Variants in TNR observed in about 807,000 individuals in gnomAD.
TNR encodes the protein tenascin R.
TNR carries 45 observed loss-of-function variants against 150.4 expected under a neutral mutation model. The observed-to-expected ratio is 0.30, with a 90% CI of 0.24 to 0.38. The LOEUF is 0.38. Ranked by LOEUF, TNR falls within the 10% of genes least tolerant of loss-of-function variation. The pLI, the probability that TNR is intolerant of heterozygous loss-of-function variation, is 1.00. For synonymous variants in TNR, 687 were observed against 678.4 expected, an observed-to-expected ratio of 1.01 and a Z score of -0.20; for missense variants, 1,544 against 1,759.1, an observed-to-expected ratio of 0.88 and a Z score of 2.19.
At chr1:175,702,105 T>A (rs16848982) in intron 1 of TNR, among the ~76,000 whole-genome samples, 9,625 of 152,238 alleles carry the variant, frequency 0.063, 382 homozygotes, top group East Asian at 0.17. Context: ...TTTTCCAGGG[T>A]TTTTTTCCGA....
chr1:175,354,552 G>A (rs1343726134), intron 17 of TNR, 29 bp from the exon 18 acceptor site: 3 of 1,613,594 alleles, frequency 1.9e-6, no homozygotes, highest in East Asian at 2.2e-5. Context: ...GAAGGGTGGT[G>A]GAAGGGAGCA....
chr1:175,616,929 GC>G (rs1246116195), intron 1 of TNR, among the ~76,000 whole-genome samples: 1 of 152,206 alleles, frequency 6.6e-6, no homozygotes, highest in Non-Finnish European at 1.5e-5. Context: ...TTTCGAAGAT[GC>G]CTTCCAGCTT....
chr1:175,419,190 G>T (rs758671189), intron 2 of TNR, among the ~76,000 whole-genome samples: 2 of 152,000 alleles, frequency 1.3e-5, no homozygotes, highest in Non-Finnish European at 2.9e-5. Flanking sequence ...CATCATCTTT[G>T]TTCATTATTG....
chr1:175,412,243 T>A (rs1654244924), intron 2 of TNR, among the ~76,000 whole-genome samples: 1 of 152,236 alleles, frequency 6.6e-6, no homozygotes, highest in Admixed American at 6.5e-5. Flanking sequence ...CAGCCAGCTT[T>A]AATTAGGGTC....
intron 1 of TNR, among the ~76,000 whole-genome samples, chr1:175,597,532 G>T (rs772181289): frequency 1.3e-5 from 2 of 152,180 alleles, no homozygotes; most frequent in South Asian, 2.1e-4. Context: ...AGCTGCACTT[G>T]GTTGTGCTAA....
intron 1 of TNR, among the ~76,000 whole-genome samples, chr1:175,615,464 C>T (rs1221092768): frequency 2.6e-5 from 4 of 152,180 alleles, no homozygotes; most frequent in Admixed American, 2.6e-4. Context: ...TTGAGGACTC[C>T]ACGTCCTGCC....
At chr1:175,586,211 G>A (rs1398701299) in intron 1 of TNR, among the ~76,000 whole-genome samples, 2 of 152,190 alleles carry the variant, frequency 1.3e-5, no homozygotes, top group Non-Finnish European at 2.9e-5. Context: ...GAAAGAGATG[G>A]ATGCTGGGTA....
intron 1 of TNR, among the ~76,000 whole-genome samples, chr1:175,640,953 G>A (rs1196498751): frequency 6.6e-6 from 1 of 152,074 alleles, no homozygotes; most frequent in Admixed American, 6.6e-5. Flanking sequence ...CTGGAAAAAG[G>A]TAACAACCTA....
intron 2 of TNR, among the ~76,000 whole-genome samples, chr1:175,421,554 G>A (rs1035049292): frequency 5.6e-4 from 85 of 152,316 alleles, no homozygotes; most frequent in African/African-American, 1.9e-3. Flanking sequence ...TCAGTGACGT[G>A]TCTTTCTACC....
chr1:175,675,736 C>A (rs577870295), intron 1 of TNR, among the ~76,000 whole-genome samples: 1 of 152,312 alleles, frequency 6.6e-6, no homozygotes, highest in African/African-American at 2.4e-5. Context: ...CCACTCTCCC[C>A]CTGAGGTCTA....
chr1:175,623,471 G>A (rs1320409457), intron 1 of TNR, among the ~76,000 whole-genome samples: 1 of 152,198 alleles, frequency 6.6e-6, no homozygotes. Context: ...AGGAGGTGAT[G>A]TTTGCTCACA....
At chr1:175,518,259 T>C (rs976740410) in intron 2 of TNR, among the ~76,000 whole-genome samples, 1 of 152,228 alleles carries the variant, frequency 6.6e-6, no homozygotes, top group Non-Finnish European at 1.5e-5. Context: ...GATTGGCTCA[T>C]GCACAACAAA....
chr1:175,677,542 C>T (rs1479093981), intron 1 of TNR, among the ~76,000 whole-genome samples: 1 of 152,208 alleles, frequency 6.6e-6, no homozygotes, highest in African/African-American at 2.4e-5. Flanking sequence ...ACAACATCGA[C>T]AACATTGCAG....
intron 4 of TNR, 148 bp from the exon 5 acceptor site, chr1:175,396,955 T>G: frequency 9.5e-7 from 1 of 1,057,064 alleles, no homozygotes. Context: ...TAACTTCCTT[T>G]GTGAGCAGGC....
At chr1:175,364,912 C>G (rs1651761220) in intron 12 of TNR, 98 bp downstream of exon 12, 1 of 1,435,188 alleles carries the variant, frequency 7.0e-7, no homozygotes, top group Non-Finnish European at 9.3e-7. Flanking sequence ...AGGAAATCCC[C>G]TACTCCTTGG....
chr1:175,524,790 G>A (rs147534708), intron 2 of TNR, among the ~76,000 whole-genome samples: 2 of 152,360 alleles, frequency 1.3e-5, no homozygotes, highest in African/African-American at 4.8e-5. Context: ...AGCATAAGAT[G>A]TTGAGAGCAA....
intron 3 of TNR, among the ~76,000 whole-genome samples, chr1:175,404,114 G>A (rs945173019): frequency 2.6e-5 from 4 of 152,110 alleles, no homozygotes; most frequent in African/African-American, 9.7e-5. Context: ...GTCCCTGAGG[G>A]CATGCGAATC....
intron 2 of TNR, among the ~76,000 whole-genome samples, chr1:175,505,287 C>T (rs1199176359): frequency 1.3e-5 from 2 of 152,246 alleles, no homozygotes; most frequent in African/African-American, 4.8e-5. Flanking sequence ...AACTCTTTCC[C>T]ACTGGGCTTA....
intron 21 of TNR, among the ~76,000 whole-genome samples, chr1:175,327,924 A>G (rs1347729711): frequency 1.3e-5 from 2 of 152,196 alleles, no homozygotes; most frequent in Admixed American, 6.5e-5. Context: ...CCTGGCCAGC[A>G]TGGCAAAACC....
Sources: allele counts gnomAD v4.1 joint callset (sites outside exome capture counted in the v4.1 genomes callset), GRCh38; gene constraint gnomAD v4.1.1; transcripts MANE v1.5; gene names NCBI Gene and HGNC (gene_info 2026-07-23, HGNC 2026-07-21).